The following ADGRL4 variants were observed in gnomAD, a reference collection of about 807,000 sequenced individuals.
ADGRL4 encodes the protein adhesion G protein-coupled receptor L4.
ADGRL4 carries 90 observed loss-of-function variants against 74.8 expected under a neutral mutation model. The observed-to-expected ratio is 1.20, with a 90% CI of 1.02 to 1.43. The LOEUF (loss-of-function observed/expected upper bound fraction) is 1.43, where lower values mean the gene tolerates loss of function less well. Ranked by LOEUF, ADGRL4 falls within the 40% of genes most tolerant of loss-of-function variation. ADGRL4 has a pLI of 0.00. For synonymous variants in ADGRL4, 311 were observed against 279.2 expected (o/e 1.11, Z -1.14); for missense variants, 881 against 814.3 (o/e 1.08, Z -1.00).
intron 7 of ADGRL4, among the ~76,000 whole-genome samples, chr1:78,933,901 G>A (rs1649298003): frequency 1.3e-5 from 2 of 151,970 alleles, no homozygotes; most frequent in Admixed American, 1.3e-4. Context: ...TCAAGGAGAA[G>A]TACAAATCAC....
chr1:78,966,254 G>A (rs1557515115), intron 2 of ADGRL4, among the ~76,000 whole-genome samples: 1 of 152,180 alleles, frequency 6.6e-6, no homozygotes, highest in Non-Finnish European at 1.5e-5. Context: ...GATTCAATCT[G>A]TGATCGGGGA....
At chr1:78,924,813 T>C (rs921836860) in intron 8 of ADGRL4, among the ~76,000 whole-genome samples, 2 of 151,968 alleles carry the variant, frequency 1.3e-5, no homozygotes, top group South Asian at 2.1e-4. Flanking sequence ...TAACCAAAAA[T>C]TGGAGGTAAG....
chr1:79,004,339 A>G (rs906568370), intron 2 of ADGRL4, among the ~76,000 whole-genome samples: 10 of 152,078 alleles, frequency 6.6e-5, no homozygotes, highest in Non-Finnish European at 1.2e-4. Flanking sequence ...TTTACTGAAA[A>G]TGAATTTAAA....
chr1:78,990,230 A>C (rs1029709111), intron 2 of ADGRL4, among the ~76,000 whole-genome samples: 1 of 151,868 alleles, frequency 6.6e-6, no homozygotes, highest in Non-Finnish European at 1.5e-5. Flanking sequence ...CATACTTCAG[A>C]ATTTTATTTT....
intron 2 of ADGRL4, among the ~76,000 whole-genome samples, chr1:78,953,402 C>A (rs1557510786): frequency 6.6e-6 from 1 of 151,988 alleles, no homozygotes; most frequent in Non-Finnish European, 1.5e-5. Flanking sequence ...AAAAATCTTA[C>A]AAGCTCTCAG....
chr1:78,971,647 C>T (rs930436913), intron 2 of ADGRL4, among the ~76,000 whole-genome samples: 10 of 152,192 alleles, frequency 6.6e-5, no homozygotes, highest in African/African-American at 2.4e-4. Context: ...TGGCAAAGAT[C>T]CGGCTCCCAG....
At chr1:78,987,518 A>T (rs962525402) in intron 2 of ADGRL4, among the ~76,000 whole-genome samples, 3 of 151,780 alleles carry the variant, frequency 2.0e-5, no homozygotes, top group African/African-American at 4.8e-5. Context: ...TACAACTAAA[A>T]ATTTGGAAGT....
chr1:78,969,293 T>C (rs181644349), intron 2 of ADGRL4, among the ~76,000 whole-genome samples: 1 of 152,334 alleles, frequency 6.6e-6, no homozygotes, highest in East Asian at 1.9e-4. Context: ...ACTCGTTGTT[T>C]TATCAAAGCT....
chr1:78,932,581 A>C lies in ADGRL4; in HGVS notation c.877+3714T>G, dbSNP rs575988693. Among the ~76,000 whole-genome samples the C allele has an allele frequency of 2.1e-5, 3 of 140,850 alleles. 1 individual carries two copies. Among genetic ancestry groups the C allele is most frequent in the African/African-American group, 8.1e-5 (3 of 37,148 alleles). 92.4% of individuals were successfully genotyped at this position (140,850 alleles called of 152,430 possible). On this transcript the variant is annotated intron_variant, in intron 7 of 14. Coordinates refer to ENST00000370742, the MANE Select transcript of ADGRL4 (RefSeq NM_022159.4). ...CAAGAAATAACTAAGATCAGAGCAG[A>C]GTTGAGGGAGATAGAGACACAAAAA...
Position 78,933,742 on chromosome 1 carries a change from C to CA in ADGRL4, c.877+2552dup, listed in dbSNP as rs556148834. Among the ~76,000 whole-genome samples, 302 of 150,192 alleles carry CA rather than the reference C, an allele frequency of 2.0e-3. 2 individuals carry two copies. Among genetic ancestry groups the CA allele is most frequent in the Middle Eastern group, 6.8e-3 (2 of 292 alleles). The stretch of plus-strand genomic sequence containing the variant: ...GCAACTTCAGCAAAGTCTCACAATA[C>CA]AAAATCAATGTGCAAAAATCACAAG... On this transcript the variant is annotated intron_variant, in intron 7 of 14. Coordinates refer to ENST00000370742, the MANE Select transcript of ADGRL4 (RefSeq NM_022159.4).
At chr1:78,891,259 A>G (rs1648266467) in intron 14 of ADGRL4, 43 bp from the exon 15 acceptor site, 4 of 1,537,160 alleles carry the variant, frequency 2.6e-6, no homozygotes, top group East Asian at 2.3e-5. Flanking sequence ...TAATCATAAC[A>G]ATCACATTTA....
chr1:78,939,164 T>C (rs1314813001), intron 4 of ADGRL4, 24 bp downstream of exon 4: 10 of 1,533,892 alleles, frequency 6.5e-6, no homozygotes, highest in Non-Finnish European at 8.7e-6. Flanking sequence ...CAAAATAAAA[T>C]AAATTGTTAA....
chr1:78,906,336 G>T (rs1047690650), intron 12 of ADGRL4, among the ~76,000 whole-genome samples: 1 of 151,856 alleles, frequency 6.6e-6, no homozygotes, highest in African/African-American at 2.4e-5. Flanking sequence ...GTTTCCATTA[G>T]GAATATTTTA....
chr1:78,921,865 A>G (rs1249441171), intron 8 of ADGRL4, 79 bp from the exon 9 acceptor site: 5 of 782,568 alleles, frequency 6.4e-6, no homozygotes, highest in Non-Finnish European at 9.1e-6. Context: ...TTAAAATACC[A>G]CTAATGTGAT....
rs1649353393 is a variant in ADGRL4, at chr1:78,936,361, G to A, written c.811C>T (p.His271Tyr). ...ATGTAGTCTCCATCCATATTCATAT[G>A]AGGATGAATATGTTTCATGTTATAT... Reference protein sequence around the residue: ...DSYNMKHIHPHMNMDGDYINI... With the variant: ...DSYNMKHIHPYMNMDGDYINI... Residue 271 changes from histidine (H) to tyrosine (Y), a missense_variant, in exon 7 of 15, where the codon CAT becomes TAT. His to Tyr is a moderately conservative substitution (Grantham distance 83). Transcript: ENST00000370742. The A allele has an allele frequency of 1.3e-6, 2 of 1,586,380 alleles. No individual in the cohort carries two copies. The highest frequency in any genetic ancestry group is 1.7e-6 in the Non-Finnish European group (2 of 1,170,150).
chr1:78,999,222 T>C (rs1650785198), intron 2 of ADGRL4, among the ~76,000 whole-genome samples: 1 of 151,950 alleles, frequency 6.6e-6, no homozygotes, highest in South Asian at 2.1e-4. Context: ...CAAAATAAGG[T>C]TTGCAACCTT....
intron 9 of ADGRL4, 58 bp from the exon 10 acceptor site, chr1:78,920,444 A>G (rs760426377): frequency 1.8e-5 from 18 of 1,022,078 alleles, no homozygotes; most frequent in Non-Finnish European, 2.6e-5. Context: ...TGTCAAAGGA[A>G]CTACAACATA....
At chr1:78,936,787 T>A (rs139670234) in intron 6 of ADGRL4, among the ~76,000 whole-genome samples, 7 of 152,304 alleles carry the variant, frequency 4.6e-5, no homozygotes, top group African/African-American at 1.7e-4. Context: ...GAGTGATAAT[T>A]CCTTTGACCT....
intron 2 of ADGRL4, among the ~76,000 whole-genome samples, chr1:78,955,283 T>C (rs1217064416): frequency 1.3e-5 from 2 of 152,146 alleles, no homozygotes. Context: ...TGGGCATTAT[T>C]AATTTTCTTG....
Sources: allele counts gnomAD v4.1 joint callset (sites outside exome capture counted in the v4.1 genomes callset), GRCh38; gene constraint gnomAD v4.1.1; transcripts MANE v1.5; gene names NCBI Gene and HGNC (gene_info 2026-07-23, HGNC 2026-07-21).